The following RABL6 variants were observed in gnomAD, a reference collection of about 807,000 sequenced individuals.
RABL6 encodes the protein RAB, member RAS oncogene family like 6, also known as rab-like protein 6.
In RABL6, 28 loss-of-function variants were observed where a neutral mutation model predicts 72.9. That is an observed-to-expected ratio of 0.38 (90% confidence interval 0.28 to 0.53). RABL6 has a LOEUF of 0.53. RABL6 is among the 20% of genes least tolerant of loss of function. The pLI, the probability that RABL6 is intolerant of heterozygous loss-of-function variation, is 0.80. For synonymous variants in RABL6, 477 were observed against 421.2 expected (o/e 1.13, Z -1.62); for missense variants, 1,029 against 1,008.4 (o/e 1.02, Z -0.28).
chr9:136,833,788 T>G, intron 7 of RABL6: 1 of 1,550,460 alleles, frequency 6.4e-7, no homozygotes, highest in East Asian at 2.4e-5. Context: ...TGAGGATGCC[T>G]GCAGGCTGGG....
intron 3 of RABL6, 39 bp downstream of exon 3, chr9:136,825,865 CTG>C (rs1564365089): frequency 2.5e-6 from 4 of 1,584,262 alleles, no homozygotes; most frequent in East Asian, 2.2e-5. Flanking sequence ...CTCTCTGGGA[CTG>C]TGTGCTCTGC....
chr9:136,814,813 T>G (rs987558839), intron 1 of RABL6: 2 of 154,898 alleles, frequency 1.3e-5, no homozygotes, highest in African/African-American at 4.8e-5. Context: ...GTTTCTTGGC[T>G]TCAGAAGCTG....
chr9:136,839,491 G>A lies in RABL6; in HGVS notation c.1758+5G>A. ...TCAGACACACAGCGCAGGGCGGTAA[G>A]ACGAGTCCTCCCGGGGCAGAGGTCA... On this transcript the variant is annotated splice_donor_5th_base_variant and intron_variant, in intron 12 of 14. Transcript: ENST00000311502. 2 of 1,605,970 alleles carry A rather than the reference G, an allele frequency of 1.2e-6. No individual in the cohort carries two copies. Among genetic ancestry groups the A allele is most frequent in the Non-Finnish European group, 1.7e-6 (2 of 1,174,760 alleles).
In RABL6 at chr9:136,821,637, G is replaced by A. The variant is rs558002395; in HGVS notation, c.131-1888G>A. ...TCCTGCCTCGGGCCGGAGGAGGGAG[G>A]GCGCCGCGGCCCGTCTCGGGCCTCC... On this transcript the variant is annotated intron_variant, in intron 1 of 14. Transcript: ENST00000311502. The A allele has an allele frequency of 9.1e-6, 9 of 988,338 alleles. No homozygotes were observed. In the East Asian group the frequency reaches 7.9e-4, roughly 87 times the overall value. 61.2% of individuals were successfully genotyped at this position (988,338 alleles called of 1,614,324 possible).
At chr9:136,837,051 A>G in intron 8 of RABL6, 2 of 511,850 alleles carry the variant, frequency 3.9e-6, no homozygotes, top group Non-Finnish European at 3.6e-6. Flanking sequence ...TTTTTTTTGT[A>G]TTTTTAGTAG....
chr9:136,810,370 A>G (rs546925093), intron 1 of RABL6, among the ~76,000 whole-genome samples: 55 of 152,308 alleles, frequency 3.6e-4, no homozygotes, highest in East Asian at 1.2e-3. Context: ...CTTGGAGAAC[A>G]GGTTATGATC....
intron 8 of RABL6, 126 bp downstream of exon 8, chr9:136,835,971 C>G: frequency 7.6e-6 from 7 of 915,300 alleles, no homozygotes; most frequent in Middle Eastern, 3.4e-4. Context: ...AATTAGTCAC[C>G]TTTGGGCACG....
At chr9:136,811,851 C>T (rs1013379689) in intron 1 of RABL6, among the ~76,000 whole-genome samples, 1 of 152,042 alleles carries the variant, frequency 6.6e-6, no homozygotes, top group Admixed American at 6.6e-5. Context: ...GTGAGCTTTT[C>T]CTGAATTCCA....
rs766209842 is a variant in RABL6, at chr9:136,835,720, C to T, written c.706-22C>T. On this transcript the variant is annotated intron_variant, in intron 7 of 14. Transcript: ENST00000311502. ...GCAGCAGGAAGGAGCCCTGCTCAGG[C>T]CTGCGTGCTCCCTTTCTGCAGAGGG... 3.9e-6 allele frequency: 6 copies of T among 1,543,506 alleles called. No individual in the cohort carries two copies. The South Asian group carries it at 6.0e-5, about 15-fold the overall frequency.
chr9:136,832,087 G>T, intron 6 of RABL6, 178 bp from the exon 7 acceptor site: 1 of 879,320 alleles, frequency 1.1e-6, no homozygotes, highest in Non-Finnish European at 1.7e-6. Context: ...GCACTGTGGG[G>T]TCACCTGCAG....
intron 1 of RABL6, among the ~76,000 whole-genome samples, chr9:136,817,145 GGAGAAGCAGCAC>G (rs59137352): frequency 0.061 from 9,320 of 152,148 alleles, 707 homozygotes; most frequent in African/African-American, 0.18. Flanking sequence ...GTCAGCAGCA[GGAGAAGCAGCAC>G]GAGAAGCAGC....
At position 136,835,816 on chromosome 9, in the gene RABL6, G is replaced by A. The variant is rs1848574307; in HGVS notation, c.780G>A (p.Gln260=). 3 of 1,555,204 alleles carry A rather than the reference G, an allele frequency of 1.9e-6. No homozygotes were observed. Among genetic ancestry groups the A allele is most frequent in the Non-Finnish European group, 2.6e-6 (3 of 1,150,636 alleles). Residue 260 remains glutamine, a synonymous_variant, in exon 8 of 15, where the codon CAG becomes CAA. Transcript: ENST00000311502. Reference sequence around the variant, plus strand: ...CCACGCTGGAGGAGCTGTCGGTGCAGCAGGAGACGGAGGACCAGAACTACG... The same window carrying A: ...CCACGCTGGAGGAGCTGTCGGTGCAACAGGAGACGGAGGACCAGAACTACG... ...MDATLEELSV[Q]QETEDQNYGI... is the part of the protein sequence containing the mutation.
In RABL6 at chr9:136,829,669, C is replaced by G. The variant is rs562130146; in HGVS notation, c.458+185C>G. Reference sequence around the variant, plus strand: ...GCCTGGATGTCGGGCTGGGCAACGACTATGCCTGTGCCTATGGGGCGGGAT... The same window carrying G: ...GCCTGGATGTCGGGCTGGGCAACGAGTATGCCTGTGCCTATGGGGCGGGAT... On this transcript the variant is annotated intron_variant, in intron 5 of 14. Coordinates refer to ENST00000311502, the MANE Select transcript of RABL6 (RefSeq NM_024718.5). 2.6e-5 allele frequency among the ~76,000 whole-genome samples: 4 copies of G among 152,366 alleles called. No individual in the cohort carries two copies. In the East Asian group the frequency reaches 7.7e-4, roughly 29 times the overall value.
intron 1 of RABL6, chr9:136,821,659 C>G (rs1443625458): frequency 2.4e-5 from 24 of 989,558 alleles, no homozygotes; most frequent in Non-Finnish European, 2.6e-5. Flanking sequence ...CGTCTCGGGC[C>G]TCCCGCCGCG....
intron 1 of RABL6, among the ~76,000 whole-genome samples, chr9:136,818,135 G>A (rs552098085): frequency 6.6e-5 from 10 of 150,468 alleles, no homozygotes; most frequent in South Asian, 2.1e-4. Flanking sequence ...AGGCCGAGGC[G>A]GGCAGATCAC....
In RABL6 at chr9:136,837,341, T is replaced by C; in HGVS notation, c.810-5T>C. The C allele has an allele frequency of 6.2e-7, 1 of 1,602,636 alleles. No individual in the cohort carries two copies. The highest frequency in any genetic ancestry group is 8.5e-7 in the Non-Finnish European group (1 of 1,175,440). On this transcript the variant is annotated splice_region_variant and splice_polypyrimidine_tract_variant and intron_variant, in intron 8 of 14. Transcript: ENST00000311502. ...CAGGCTTCTCACCCGCCTTCTGCCT[T>C]TCAGCTTCCTGGAGATGATGGAGGC...
At chr9:136,831,884 C>T (rs377675795) in intron 6 of RABL6, 23 bp downstream of exon 6, 18 of 1,595,514 alleles carry the variant, frequency 1.1e-5, no homozygotes, top group East Asian at 9.0e-5. Context: ...GCCCTGCTCC[C>T]GAGGGACCCT....
intron 1 of RABL6, among the ~76,000 whole-genome samples, chr9:136,818,397 A>C (rs71483294): frequency 7.1e-5 from 2 of 28,132 alleles, no homozygotes; most frequent in Non-Finnish European, 1.4e-4. Flanking sequence ...AAAAAAAAAA[A>C]AAAAAAACCA....
chr9:136,829,524 A>AC lies in RABL6; in HGVS notation c.458+46dup, dbSNP rs567471206. The AC allele has an allele frequency of 1.6e-4, 250 of 1,525,330 alleles. 3 individuals carry two copies. The highest frequency in any genetic ancestry group is 1.1e-3 in the South Asian group (93 of 83,660). The allele number at this position is 1,525,330 out of a possible 1,614,324, so 94.5% of individuals were successfully genotyped here. ...GCGGGGGCAGCTGCCTGTGACTCTC[A>AC]CCCCCCTAGCCCCTTGGGCGCCCTC... On this transcript the variant is annotated intron_variant, in intron 5 of 14. Coordinates refer to ENST00000311502, the MANE Select transcript of RABL6 (RefSeq NM_024718.5).
Sources: allele counts gnomAD v4.1 joint callset (sites outside exome capture counted in the v4.1 genomes callset), GRCh38; gene constraint gnomAD v4.1.1; transcripts MANE v1.5; gene names NCBI Gene and HGNC (gene_info 2026-07-23, HGNC 2026-07-21).